Variants in C12orf42 observed in about 807,000 individuals in gnomAD.
The protein encoded by C12orf42 is uncharacterized protein C12orf42.
Under a neutral mutation model 21.6 loss-of-function variants are expected in C12orf42, and 25 were observed. The ratio of observed to expected loss-of-function variants is 1.16; its 90% CI spans 0.84 to 1.62. The LOEUF (loss-of-function observed/expected upper bound fraction) is 1.62, where lower values mean the gene tolerates loss of function less well. C12orf42 is among the 40% of genes most tolerant of loss of function. C12orf42 has a pLI of 0.00. For missense variants in C12orf42, 483 were observed against 459.3 expected (o/e 1.05, Z -0.47); for synonymous variants, 174 against 175.0 (o/e 0.99, Z 0.05).
intron 2 of C12orf42, among the ~76,000 whole-genome samples, chr12:103,451,035 CCTCT>C (rs1951902750): frequency 6.6e-6 from 1 of 151,900 alleles, no homozygotes; most frequent in Non-Finnish European, 1.5e-5. Context: ...TCTCCCTCTT[CCTCT>C]CTCTATATCA....
the C12orf42 span, among the ~76,000 whole-genome samples, chr12:103,519,258 C>G: frequency 2.9e-3 from 445 of 152,212 alleles, no homozygotes; most frequent in African/African-American, 0.01. Flanking sequence ...TTATAAATCA[C>G]CCAATCTCGA....
the C12orf42 span, among the ~76,000 whole-genome samples, chr12:103,092,676 A>C: frequency 6.6e-6 from 1 of 152,216 alleles, no homozygotes; most frequent in African/African-American, 2.4e-5. Flanking sequence ...CAGTATTAAT[A>C]GAATATCATG....
intron 1 of C12orf42, 135 bp from the exon 2 acceptor site, chr12:103,478,582 A>AT: frequency 5.0e-6 from 2 of 403,870 alleles, no homozygotes; most frequent in Non-Finnish European, 8.6e-6. Flanking sequence ...GACTTTCAAT[A>AT]ATTTTTTTTT....
At chr12:103,544,709 C>T in the C12orf42 span, among the ~76,000 whole-genome samples, 15 of 152,276 alleles carry the variant, frequency 9.9e-5, no homozygotes, top group Admixed American at 4.6e-4. Flanking sequence ...TCTCTTTGTG[C>T]TTCATTCTGA....
At chr12:103,449,556 T>C (rs896666904) in intron 2 of C12orf42, among the ~76,000 whole-genome samples, 30 of 152,108 alleles carry the variant, frequency 2.0e-4, no homozygotes, top group African/African-American at 7.0e-4. Context: ...AAAAATAAGA[T>C]AATAATATGT....
intron 4 of C12orf42, among the ~76,000 whole-genome samples, chr12:103,346,094 T>C (rs1165321498): frequency 1.3e-5 from 2 of 152,218 alleles, no homozygotes; most frequent in African/African-American, 2.4e-5. Context: ...AATTCTTCAA[T>C]GTTAAATAAC....
chr12:103,174,642 T>C, the C12orf42 span, among the ~76,000 whole-genome samples: 2 of 151,988 alleles, frequency 1.3e-5, no homozygotes, highest in Non-Finnish European at 2.9e-5. Flanking sequence ...AACAGCAATC[T>C]TCAAATGTTT....
chr12:103,211,988 TA>T, the C12orf42 span, among the ~76,000 whole-genome samples: 1 of 152,194 alleles, frequency 6.6e-6, no homozygotes, highest in African/African-American at 2.4e-5. Context: ...AAACTTTGCC[TA>T]AACAAAATTT....
the C12orf42 span, among the ~76,000 whole-genome samples, chr12:103,086,064 C>T: frequency 2.6e-5 from 4 of 152,146 alleles, no homozygotes; most frequent in Non-Finnish European, 5.9e-5. Flanking sequence ...ACACCTCACT[C>T]CTTCTCCCAC....
At chr12:103,244,699 G>T (rs768766789) in intron 10 of C12orf42, among the ~76,000 whole-genome samples, 1 of 151,828 alleles carries the variant, frequency 6.6e-6, no homozygotes, top group South Asian at 2.1e-4. Context: ...TTGATTCCAA[G>T]GCCATACATC....
chr12:103,098,583 C>A, the C12orf42 span, among the ~76,000 whole-genome samples: 1 of 152,196 alleles, frequency 6.6e-6, no homozygotes, highest in Non-Finnish European at 1.5e-5. Context: ...TCATCTCTCA[C>A]CCTGAAAAGA....
chr12:103,508,842 A>G, the C12orf42 span, among the ~76,000 whole-genome samples: 1 of 152,178 alleles, frequency 6.6e-6, no homozygotes, highest in East Asian at 1.9e-4. Flanking sequence ...CTAAATGTCA[A>G]TTTCCTCATC....
At chr12:103,075,832 T>C in the C12orf42 span, among the ~76,000 whole-genome samples, 1 of 152,140 alleles carries the variant, frequency 6.6e-6, no homozygotes, top group Non-Finnish European at 1.5e-5. Context: ...GAACCATAAT[T>C]ATTAAGACTC....
At chr12:103,429,043 CT>C (rs1161279774) in intron 2 of C12orf42, among the ~76,000 whole-genome samples, 1 of 152,198 alleles carries the variant, frequency 6.6e-6, no homozygotes, top group African/African-American at 2.4e-5. Context: ...GAAGCATTCC[CT>C]CTGAAAACTG....
chr12:103,311,822 A>T lies in C12orf42; in HGVS notation c.260-5477T>A, dbSNP rs189315961. On this transcript the variant is annotated intron_variant, in intron 4 of 5. Coordinates refer to ENST00000548883, the MANE Select transcript of C12orf42 (RefSeq NM_198521.5). ...CTCCCACCCTTGACCAATCAGTGAG[A>T]GTGGGACCCTAGTATCTGTTCACGG... 5.8e-4 allele frequency among the ~76,000 whole-genome samples: 89 copies of T among 152,284 alleles called. 1 individual carries two copies. Among genetic ancestry groups the T allele is most frequent in the Middle Eastern group, 3.4e-3 (1 of 294 alleles).
chr12:103,485,866 C>T (rs574332725), intron 1 of C12orf42, among the ~76,000 whole-genome samples: 52 of 152,166 alleles, frequency 3.4e-4, no homozygotes, highest in South Asian at 1.7e-3. Context: ...CTTAAGGAGA[C>T]TTGGGGCTGA....
chr12:103,141,639 C>T, the C12orf42 span, among the ~76,000 whole-genome samples: 12 of 151,494 alleles, frequency 7.9e-5, no homozygotes, highest in Non-Finnish European at 1.6e-4. Flanking sequence ...AAACGATTCT[C>T]CTGCCTCGGC....
chr12:103,509,683 G>C, the C12orf42 span, among the ~76,000 whole-genome samples: 126 of 152,188 alleles, frequency 8.3e-4, no homozygotes, highest in African/African-American at 2.9e-3. Context: ...CTCCTGCATG[G>C]CTATTTGTAT....
At chr12:103,558,804 T>C in the C12orf42 span, 12 of 152,186 alleles carry the variant, frequency 7.9e-5, no homozygotes, top group African/African-American at 2.9e-4. Context: ...TGAGAGAGAC[T>C]GATGTTAAAC....
Sources: allele counts gnomAD v4.1 joint callset (sites outside exome capture counted in the v4.1 genomes callset), GRCh38; gene constraint gnomAD v4.1.1; transcripts MANE v1.5; gene names NCBI Gene and HGNC (gene_info 2026-07-23, HGNC 2026-07-21).